Variants in SLC13A3 observed in about 807,000 individuals in gnomAD.
SLC13A3 encodes the protein Na(+)/dicarboxylate cotransporter 3.
In SLC13A3, 40 loss-of-function variants were observed where a neutral mutation model predicts 59.0. That is an observed-to-expected ratio of 0.68 (90% confidence interval 0.53 to 0.88). SLC13A3 has a LOEUF of 0.88. Among genes scored for constraint, SLC13A3 ranks in the 40% least tolerant of loss-of-function variants. The pLI is 0.00. For missense variants in SLC13A3, 699 were observed against 783.2 expected (o/e 0.89, Z 1.28); for synonymous variants, 317 against 330.3 (o/e 0.96, Z 0.44).
chr20:46,652,456 C>T (rs1043491846), upstream of SLC13A3, among the ~76,000 whole-genome samples: 2 of 151,276 alleles, frequency 1.3e-5, no homozygotes, highest in African/African-American at 2.4e-5. Context: ...AGCAGTGGAG[C>T]GATCTCGGAT....
chr20:46,610,426 A>G lies in SLC13A3; in HGVS notation c.541+20T>C, dbSNP rs367728151. ...CCAAATCCTGGTGGATTTGGCCCCA[A>G]TCCCTTAGCACAGCCTCACCTGTGT... On this transcript the variant is annotated intron_variant, in intron 3 of 12. Transcript: ENST00000279027. The G allele has an allele frequency of 9.2e-5, 147 of 1,595,112 alleles. No homozygotes were observed. The highest frequency in any genetic ancestry group is 1.2e-4 in the Non-Finnish European group (143 of 1,171,358).
intron 3 of SLC13A3, chr20:46,609,045 T>C: frequency 6.4e-7 from 1 of 1,550,568 alleles, no homozygotes; most frequent in Non-Finnish European, 8.7e-7. Flanking sequence ...GAGGAAAGTA[T>C]TGGGTTCTAT....
chr20:46,631,855 T>C (rs957278917), intron 1 of SLC13A3, among the ~76,000 whole-genome samples: 1 of 152,132 alleles, frequency 6.6e-6, no homozygotes, highest in African/African-American at 2.4e-5. Context: ...TTTCCAGGCA[T>C]ACACAAGGCA....
At chr20:46,628,864 G>C (rs186442104) in intron 1 of SLC13A3, among the ~76,000 whole-genome samples, 1 of 152,242 alleles carries the variant, frequency 6.6e-6, no homozygotes, top group African/African-American at 2.4e-5. Context: ...AGGACAGACT[G>C]TTCTAGAGAA....
At chr20:46,577,385 C>T (rs2062090226) in intron 9 of SLC13A3, among the ~76,000 whole-genome samples, 1 of 152,230 alleles carries the variant, frequency 6.6e-6, no homozygotes. Context: ...GCAACATACA[C>T]TTAAGCCCAG....
At chr20:46,618,542 C>G (rs975365403) in intron 1 of SLC13A3, among the ~76,000 whole-genome samples, 1 of 152,158 alleles carries the variant, frequency 6.6e-6, no homozygotes, top group African/African-American at 2.4e-5. Context: ...CGTGAGGGCT[C>G]TGCCCTCACT....
intron 1 of SLC13A3, among the ~76,000 whole-genome samples, chr20:46,625,270 C>T (rs1323930227): frequency 6.6e-6 from 1 of 152,200 alleles, no homozygotes; most frequent in East Asian, 1.9e-4. Flanking sequence ...AATCAAGTTC[C>T]ACATTCTGAT....
At chr20:46,642,568 TC>T (rs1310733696) in intron 1 of SLC13A3, among the ~76,000 whole-genome samples, 1 of 152,124 alleles carries the variant, frequency 6.6e-6, no homozygotes, top group African/African-American at 2.4e-5. Context: ...CCTTGCCCTC[TC>T]CCCCTGCTCA....
At chr20:46,630,182 T>C (rs2062723330) in intron 1 of SLC13A3, among the ~76,000 whole-genome samples, 1 of 152,204 alleles carries the variant, frequency 6.6e-6, no homozygotes, top group Non-Finnish European at 1.5e-5. Flanking sequence ...TTCTTTGGTG[T>C]CTCTTTAGCA....
At chr20:46,581,913 T>C (rs752853881) in intron 9 of SLC13A3, among the ~76,000 whole-genome samples, 3 of 152,152 alleles carry the variant, frequency 2.0e-5, no homozygotes, top group Admixed American at 6.5e-5. Context: ...CTGAATCCTG[T>C]TCAACTGCAG....
At chr20:46,646,737 A>G (rs1375726175) in intron 1 of SLC13A3, among the ~76,000 whole-genome samples, 1 of 152,252 alleles carries the variant, frequency 6.6e-6, no homozygotes, top group Non-Finnish European at 1.5e-5. Context: ...GCATTAAATA[A>G]AAAACTAAGA....
chr20:46,650,839 A>T (rs1305569369), intron 1 of SLC13A3, among the ~76,000 whole-genome samples: 2 of 152,138 alleles, frequency 1.3e-5, no homozygotes, highest in Non-Finnish European at 2.9e-5. Flanking sequence ...CCAAGGTGGG[A>T]GAATTGCTTG....
intron 1 of SLC13A3, among the ~76,000 whole-genome samples, chr20:46,675,215 C>T (rs1245900020): frequency 6.6e-6 from 1 of 151,418 alleles, no homozygotes; most frequent in East Asian, 1.9e-4. Flanking sequence ...AGTGGTTTTC[C>T]TTTTTTTCTT....
At chr20:46,600,349 A>G (rs1235920539) in intron 3 of SLC13A3, among the ~76,000 whole-genome samples, 4 of 144,300 alleles carry the variant, frequency 2.8e-5, no homozygotes, top group Middle Eastern at 3.5e-3. Flanking sequence ...GGAAAGGAAA[A>G]GAAAGGAAAG....
At chr20:46,637,301 C>G (rs1385775344) in intron 1 of SLC13A3, among the ~76,000 whole-genome samples, 1 of 152,202 alleles carries the variant, frequency 6.6e-6, no homozygotes. Flanking sequence ...TGCTCACAGT[C>G]CCTCGCTTCT....
chr20:46,563,708 G>T lies in SLC13A3; in HGVS notation c.1495-157C>A, dbSNP rs149165763. Among the ~76,000 whole-genome samples, 201 of 152,284 alleles carry T rather than the reference G, an allele frequency of 1.3e-3. 1 individual carries two copies. The highest frequency in any genetic ancestry group is 4.8e-3 in the African/African-American group (198 of 41,566). On this transcript the variant is annotated intron_variant, in intron 11 of 12. Transcript: ENST00000279027. ...CCATAGAGATTGGCAGAGTGGCAGAGAACAACAGGGACAAGTGAGAAGAGA... is the reference window on the plus strand; with the variant it reads ...CCATAGAGATTGGCAGAGTGGCAGATAACAACAGGGACAAGTGAGAAGAGA...
intron 1 of SLC13A3, among the ~76,000 whole-genome samples, chr20:46,665,932 C>A (rs971919361): frequency 3.3e-5 from 5 of 152,176 alleles, no homozygotes; most frequent in Non-Finnish European, 5.9e-5. Flanking sequence ...TGATAGCCAT[C>A]CTACTGCGTG....
intron 1 of SLC13A3, among the ~76,000 whole-genome samples, chr20:46,659,312 C>A (rs1259667503): frequency 6.6e-6 from 1 of 151,846 alleles, no homozygotes; most frequent in African/African-American, 2.4e-5. Flanking sequence ...AATTTTTTAG[C>A]TTTTTTCTGT....
intron 4 of SLC13A3, among the ~76,000 whole-genome samples, chr20:46,598,874 T>C (rs2062343599): frequency 6.6e-6 from 1 of 151,862 alleles, no homozygotes; most frequent in South Asian, 2.1e-4. Flanking sequence ...CCACACTGGC[T>C]TCCTGGCTGT....
Sources: gnomAD v4.1 joint callset for allele counts (sites outside exome capture counted in the v4.1 genomes callset) on GRCh38, gnomAD v4.1.1 for gene constraint, MANE v1.5 for transcripts, NCBI Gene and HGNC (gene_info 2026-07-23, HGNC 2026-07-21) for gene names.